The following UNC79 variants were observed in gnomAD, a reference collection of about 807,000 sequenced individuals.
UNC79 encodes unc-79 subunit of NALCN channel complex, also known as protein unc-79 homolog.
A neutral mutation model predicts 283.1 loss-of-function variants in UNC79; 37 were observed. That is an observed-to-expected ratio of 0.13 (90% CI 0.10 to 0.17). The LOEUF is 0.17. UNC79 is among the 10% of genes least tolerant of loss of function. The probability of loss-of-function intolerance (pLI) is 1.00; values close to 1 mark genes in which losing one functional copy is unlikely to be tolerated. For synonymous variants in UNC79, 1,107 were observed against 1,200.2 expected (o/e 0.92, Z 1.61); for missense variants, 2,272 against 3,211.1 (o/e 0.71, Z 7.07).
chr14:93,617,293 A>G lies in UNC79; in HGVS notation c.4213A>G (p.Ile1405Val), dbSNP rs1474035089. 6 of 1,613,906 alleles carry G rather than the reference A, an allele frequency of 3.7e-6. No homozygotes were observed. The highest frequency in any genetic ancestry group is 5.1e-6 in the Non-Finnish European group (6 of 1,179,960). The stretch of plus-strand genomic sequence containing the variant: ...GATGTGGTTGAAGGCCTTGCTTGTC[A>G]TCCTTTACAAGGTGAGCTGGGTGGT... The change falls in exon 28 of 49, where the codon ATC (isoleucine) becomes GTC (valine). Residue 1405 changes from isoleucine to valine, a missense_variant. Physicochemically the swap from Ile to Val is conservative, Grantham distance 29. Around this residue, in one of 11 missense-constraint regions of UNC79, gnomAD observed 128 missense variants for 230.3 expected, o/e 0.56. Coordinates refer to ENST00000555664, the Ensembl canonical transcript of UNC79. This position sits in a 1 kb window ranked among gnomAD's most constrained non-coding sequence, Gnocchi z 4.5.
upstream of UNC79, among the ~76,000 whole-genome samples, chr14:93,430,109 A>C (rs756684814): frequency 6.6e-6 from 1 of 152,024 alleles, no homozygotes; most frequent in Non-Finnish European, 1.5e-5. The surrounding 1 kb of genome is among the most constrained non-coding windows in gnomAD (Gnocchi z 4.6). Flanking sequence ...GGGGCTTCCT[A>C]ATGTGTCCCT....
At chr14:93,542,306 C>G (rs1310944761) in intron 13 of UNC79, among the ~76,000 whole-genome samples, 160 bp from the exon 14 acceptor site, 1 of 152,178 alleles carries the variant, frequency 6.6e-6, no homozygotes, top group Non-Finnish European at 1.5e-5. Context: ...TAGAAAGGAA[C>G]ACAGTTTCTG....
At chr14:93,574,973 T>C in intron 16 of UNC79, 85 bp from the exon 17 acceptor site, 2 of 1,437,556 alleles carry the variant, frequency 1.4e-6, no homozygotes, top group Non-Finnish European at 1.9e-6. Context: ...AATAATTTGC[T>C]TTGGAAAAAG....
chr14:93,337,051 G>A (rs538812536), intron 1 of UNC79, among the ~76,000 whole-genome samples: 23 of 152,326 alleles, frequency 1.5e-4, no homozygotes, highest in Middle Eastern at 3.4e-3. Flanking sequence ...AAGCCTGGGG[G>A]CCAGGCTGCC....
rs140201851 is a variant in UNC79, at chr14:93,493,874, CATATATATAT to C, written c.713-2518_713-2509del. Among the ~76,000 whole-genome samples, 456 of 76,494 alleles carry C rather than the reference CATATATATAT, an allele frequency of 6.0e-3. 12 individuals carry two copies. The highest frequency in any genetic ancestry group is 0.017 in the East Asian group (38 of 2,254). 50.2% of individuals were successfully genotyped at this position (76,494 alleles called of 152,430 possible). A position where few individuals can be genotyped will look rare whatever the true frequency, so the allele number is the denominator to read the frequency against. The stretch of plus-strand genomic sequence containing the variant: ...GGAAGAGAGAGAAGGGGAAGTGCCA[CATATATATAT>C]ATATATATATATATATATTTTTTTT... On this transcript the variant is annotated intron_variant, in intron 5 of 48. Coordinates refer to ENST00000555664, the Ensembl canonical transcript of UNC79.
chr14:93,431,243 C>G (rs952739462), intron 1 of UNC79, among the ~76,000 whole-genome samples, 192 bp downstream of exon 1: 10 of 151,244 alleles, frequency 6.6e-5, no homozygotes, highest in South Asian at 2.1e-4. Context: ...GCGCTGTCCC[C>G]GGTGCTGAAA....
At chr14:93,425,122 A>G (rs1249059090) in intron 1 of UNC79, among the ~76,000 whole-genome samples, 1 of 152,184 alleles carries the variant, frequency 6.6e-6, no homozygotes, top group African/African-American at 2.4e-5. Context: ...ATTGACTCAC[A>G]GCTCCACATG....
At chr14:93,513,656 A>C (rs1383166261) in intron 7 of UNC79, among the ~76,000 whole-genome samples, 8 of 152,086 alleles carry the variant, frequency 5.3e-5, no homozygotes, top group Admixed American at 3.9e-4. Flanking sequence ...TATTATTTCT[A>C]TGCATTGGGG....
intron 1 of UNC79, among the ~76,000 whole-genome samples, chr14:93,410,756 C>T (rs892349926): frequency 6.6e-6 from 1 of 152,068 alleles, no homozygotes; most frequent in African/African-American, 2.4e-5. Flanking sequence ...CTGGCAGTAC[C>T]CATTGTCTGC....
intron 38 of UNC79, 101 bp from the exon 42 acceptor site, chr14:93,659,092 G>C: frequency 1.1e-6 from 1 of 893,520 alleles, no homozygotes; most frequent in Admixed American, 2.9e-5. Context: ...TCATATTTCA[G>C]ATTTTCCTTT....
chr14:93,619,076 G>T (rs1357607584), intron 29 of UNC79, among the ~76,000 whole-genome samples: 1 of 152,118 alleles, frequency 6.6e-6, no homozygotes, highest in East Asian at 1.9e-4. Context: ...CCCTTTATGA[G>T]GTTAGTAGAG....
intron 2 of UNC79, among the ~76,000 whole-genome samples, chr14:93,471,437 C>T (rs1374772945): frequency 6.6e-6 from 1 of 152,130 alleles, no homozygotes; most frequent in Non-Finnish European, 1.5e-5. Flanking sequence ...AGGTGAAAAG[C>T]TGGCTGCAGA....
intron 41 of UNC79, among the ~76,000 whole-genome samples, chr14:93,678,335 T>C (rs1168998635): frequency 1.3e-5 from 2 of 152,220 alleles, no homozygotes; most frequent in African/African-American, 2.4e-5. Context: ...CGAATGACAC[T>C]GGTCCCCATG....
intron 39 of UNC79, among the ~76,000 whole-genome samples, chr14:93,660,561 ATATGTGTG>A (rs1189338712): frequency 6.5e-4 from 54 of 83,208 alleles, no homozygotes; most frequent in South Asian, 1.7e-3. Context: ...ATATATATAT[ATATGTGTG>A]TGTGTGTGTG....
chr14:93,594,279 T>G (rs915025750), intron 23 of UNC79, among the ~76,000 whole-genome samples: 7 of 150,224 alleles, frequency 4.7e-5, no homozygotes, highest in Non-Finnish European at 8.9e-5. Flanking sequence ...GTTTTTTGTG[T>G]TTTTTTTTGA....
intron 1 of UNC79, among the ~76,000 whole-genome samples, chr14:93,414,744 A>C (rs1040122368): frequency 1.3e-5 from 2 of 152,116 alleles, no homozygotes; most frequent in Non-Finnish European, 2.9e-5. Context: ...GGTCCTTCAC[A>C]TCCCTTGTAA....
Position 93,597,344 on chromosome 14 carries a change from T to C in UNC79, c.3191-15T>C. 1 of 1,613,142 alleles carries C rather than the reference T, an allele frequency of 6.2e-7. No homozygotes were observed. Among genetic ancestry groups the C allele is most frequent in the East Asian group, 2.2e-5 (1 of 44,880 alleles). ...GTGTGTATTTACGTATTTTGCCTTC[T>C]CTTTTACATTGCAGTGGAAAAAGTT... On this transcript the variant is annotated splice_polypyrimidine_tract_variant and intron_variant, in intron 23 of 48. Transcript: ENST00000555664.
At chr14:93,497,346 C>T (rs2059058050) in intron 7 of UNC79, 60 bp downstream of exon 7, 3 of 1,556,254 alleles carry the variant, frequency 1.9e-6, no homozygotes, top group Non-Finnish European at 2.6e-6. Flanking sequence ...ACACTGGCCT[C>T]ACCTACTTAT....
chr14:93,618,391 T>C (rs1476260535), intron 29 of UNC79, 37 bp downstream of exon 30: 1 of 1,549,712 alleles, frequency 6.5e-7, no homozygotes, highest in East Asian at 2.4e-5. Context: ...CTAGCTTCAA[T>C]ACATAATAGA....
Sources: allele counts gnomAD v4.1 joint callset (sites outside exome capture counted in the v4.1 genomes callset), GRCh38; gene constraint gnomAD v4.1.1; regional missense constraint gnomAD v4.1.1; non-coding constraint Gnocchi (gnomAD v3.1); transcripts MANE v1.5; gene names NCBI Gene and HGNC (gene_info 2026-07-23, HGNC 2026-07-21).